The following TPRG1 variants were observed in gnomAD, a reference collection of about 807,000 sequenced individuals.
The protein encoded by TPRG1 is tumor protein p63-regulated gene 1 protein.
TPRG1 carries 29 observed loss-of-function variants against 29.3 expected under a neutral mutation model. The ratio of observed to expected loss-of-function variants is 0.99; its 90% CI spans 0.74 to 1.35. TPRG1 has a LOEUF of 1.35. Among genes scored for constraint, TPRG1 ranks in the 40% most tolerant of loss-of-function variants. The pLI is 0.00. For missense variants in TPRG1, 327 were observed against 335.0 expected (o/e 0.98, Z 0.19); for synonymous variants, 130 against 116.8 (o/e 1.11, Z -0.73).
In TPRG1 at chr3:188,999,345, T is replaced by C. The variant is rs192626333; in HGVS notation, c.-1015-1429T>C. ...AAGGCAGCTGTTGGTGTCTAAATACTATTCATTGATCACAGCACTCATGGC... is the reference window on the plus strand; with the variant it reads ...AAGGCAGCTGTTGGTGTCTAAATACCATTCATTGATCACAGCACTCATGGC... On this transcript the variant is annotated intron_variant, in intron 1 of 10. Coordinates refer to the TPRG1 transcript ENST00000433971. Among the ~76,000 whole-genome samples the C allele has an allele frequency of 4.6e-5, 7 of 152,308 alleles. No homozygotes were observed. The East Asian group carries it at 1.4e-3, about 29-fold the overall frequency.
chr3:189,224,252 G>A (rs1195669314), intron 3 of TPRG1, among the ~76,000 whole-genome samples: 1 of 152,228 alleles, frequency 6.6e-6, no homozygotes, highest in Non-Finnish European at 1.5e-5. Context: ...GGAGGCGAAA[G>A]CGGGTGGATC....
At chr3:189,286,881 A>G (rs1422211398) in intron 4 of TPRG1, among the ~76,000 whole-genome samples, 2 of 152,002 alleles carry the variant, frequency 1.3e-5, no homozygotes, top group Non-Finnish European at 2.9e-5. Context: ...CTGTCAGGTG[A>G]TGGGAGGCAC....
At chr3:189,149,781 C>A (rs1348624660) in intron 4 of TPRG1, among the ~76,000 whole-genome samples, 2 of 152,168 alleles carry the variant, frequency 1.3e-5, no homozygotes, top group Non-Finnish European at 2.9e-5. Flanking sequence ...GGAACTGCCT[C>A]CTTCTTGCCA....
chr3:189,192,284 C>T (rs867263725), intron 1 of TPRG1, among the ~76,000 whole-genome samples: 1 of 152,130 alleles, frequency 6.6e-6, no homozygotes, highest in Non-Finnish European at 1.5e-5. Context: ...AGCTAAATTC[C>T]CTTTGCATTT....
intron 4 of TPRG1, among the ~76,000 whole-genome samples, chr3:189,244,610 A>T (rs1242795122): frequency 1.3e-5 from 2 of 152,064 alleles, no homozygotes; most frequent in Non-Finnish European, 2.9e-5. Flanking sequence ...AAATGACCAG[A>T]TCTTACAAGA....
chr3:189,272,612 C>A (rs548164896), intron 4 of TPRG1, among the ~76,000 whole-genome samples: 26 of 150,918 alleles, frequency 1.7e-4, no homozygotes, highest in African/African-American at 6.2e-4. Flanking sequence ...CTCTTCTCTT[C>A]TCTTCTTTCT....
chr3:189,320,711 T>A lies in TPRG1; in HGVS notation c.719T>A (p.Met240Lys). The A allele has an allele frequency of 6.2e-7, 1 of 1,613,008 alleles. No homozygotes were observed. The highest frequency in any genetic ancestry group is 1.1e-5 in the South Asian group (1 of 90,994). The change falls in exon 6 of 6, where the codon ATG (methionine) becomes AAG (lysine). Residue 240 changes from methionine (M) to lysine (K), a missense_variant. Coordinates refer to ENST00000345063, the MANE Select transcript of TPRG1 (RefSeq NM_198485.4). ...GGATCTGGAAGAGGAAAGAAACTGA[T>A]GGTGTTAACTGAACCCATTTTGATT... ...STGSGRGKKL[M>K]VLTEPILIET... is the part of the protein sequence containing the mutation.
chr3:189,095,673 CT>C (rs1350159932), upstream of TPRG1, among the ~76,000 whole-genome samples: 2 of 152,192 alleles, frequency 1.3e-5, no homozygotes, highest in Non-Finnish European at 2.9e-5. Context: ...TTTCTCTCCC[CT>C]GAATGTCTTG....
intron 2 of TPRG1, among the ~76,000 whole-genome samples, chr3:189,127,419 A>C (rs896160186): frequency 6.6e-6 from 1 of 152,216 alleles, no homozygotes; most frequent in Non-Finnish European, 1.5e-5. Context: ...TAACAAATGG[A>C]AACTATTGAC....
At chr3:189,006,630 G>A (rs774842871) in intron 3 of TPRG1, among the ~76,000 whole-genome samples, 2 of 152,074 alleles carry the variant, frequency 1.3e-5, no homozygotes, top group Non-Finnish European at 2.9e-5. Context: ...AGTGTGTGGA[G>A]TGGTGGGGGA....
intron 4 of TPRG1, among the ~76,000 whole-genome samples, chr3:189,247,324 T>C (rs2108985149): frequency 6.6e-6 from 1 of 152,148 alleles, no homozygotes; most frequent in Non-Finnish European, 1.5e-5. Context: ...TAGTATAGGT[T>C]TTATTTTCTT....
intron 5 of TPRG1, chr3:189,315,360 A>G (rs1028780871): frequency 2.8e-6 from 1 of 361,666 alleles, no homozygotes. Flanking sequence ...ATTTGTATTA[A>G]TTGATGTGAT....
intron 4 of TPRG1, among the ~76,000 whole-genome samples, chr3:189,253,051 T>C (rs900648005): frequency 2.6e-5 from 4 of 152,202 alleles, no homozygotes; most frequent in Non-Finnish European, 4.4e-5. Flanking sequence ...TTCTTTTCCT[T>C]TTTTTAAATT....
At chr3:189,104,865 G>T (rs1719628179) in intron 1 of TPRG1, among the ~76,000 whole-genome samples, 1 of 151,788 alleles carries the variant, frequency 6.6e-6, no homozygotes, top group South Asian at 2.1e-4. Flanking sequence ...CAACCTTCAG[G>T]GTCTCCTCTG....
chr3:189,301,177 T>TACTAC (rs1720769491), intron 4 of TPRG1, among the ~76,000 whole-genome samples: 1 of 151,668 alleles, frequency 6.6e-6, no homozygotes. Flanking sequence ...CACACGCCTG[T>TACTAC]AGTCCCAGCT....
chr3:189,271,219 G>C (rs1404664417), intron 4 of TPRG1, among the ~76,000 whole-genome samples: 1 of 152,176 alleles, frequency 6.6e-6, no homozygotes, highest in Non-Finnish European at 1.5e-5. Flanking sequence ...GGGATGGGTT[G>C]CTTTAGACGA....
At chr3:189,006,405 G>A (rs1712288483) in intron 3 of TPRG1, among the ~76,000 whole-genome samples, 1 of 152,186 alleles carries the variant, frequency 6.6e-6, no homozygotes, top group South Asian at 2.1e-4. Flanking sequence ...AGGCACTGAG[G>A]AGAAGGTAGC....
intron 4 of TPRG1, among the ~76,000 whole-genome samples, chr3:189,085,654 A>T (rs1426260927): frequency 6.6e-6 from 1 of 152,228 alleles, no homozygotes; most frequent in East Asian, 1.9e-4. Context: ...TGAAGCAAAT[A>T]TACTGAGATT....
intron 4 of TPRG1, among the ~76,000 whole-genome samples, chr3:189,051,656 A>C (rs1278771502): frequency 6.6e-6 from 1 of 152,210 alleles, no homozygotes; most frequent in African/African-American, 2.4e-5. Flanking sequence ...AAGCAAAAAG[A>C]GCAAATCTGG....
Sources: gnomAD v4.1 joint callset for allele counts (sites outside exome capture counted in the v4.1 genomes callset) on GRCh38, gnomAD v4.1.1 for gene constraint, MANE v1.5 for transcripts, NCBI Gene and HGNC (gene_info 2026-07-23, HGNC 2026-07-21) for gene names.